The following NXPE2 variants were observed in gnomAD, a reference collection of about 807,000 sequenced individuals.
The protein encoded by NXPE2 is neurexophilin and PC-esterase domain family member 2.
Under a neutral mutation model 34.4 loss-of-function variants are expected in NXPE2, and 34 were observed. That is an observed-to-expected ratio of 0.99 (90% CI 0.75 to 1.31). The LOEUF (loss-of-function observed/expected upper bound fraction) is 1.31. NXPE2 is among the 40% of genes most tolerant of loss of function. The pLI, the probability that NXPE2 is intolerant of heterozygous loss-of-function variation, is 0.00. For missense variants in NXPE2, 649 were observed against 672.5 expected (o/e 0.97, Z 0.39); for synonymous variants, 235 against 231.3 (o/e 1.02, Z -0.15).
At chr11:114,683,490 G>A (rs10891730) in intron 2 of NXPE2, among the ~76,000 whole-genome samples, 10,078 of 148,856 alleles carry the variant, frequency 0.068, 349 homozygotes, top group South Asian at 0.1. Context: ...GCACGACCTC[G>A]GCTCACTGCA....
chr11:114,521,929 A>C, the NXPE2 span: 12 of 1,395,830 alleles, frequency 8.6e-6, no homozygotes, highest in Admixed American at 1.9e-5. Flanking sequence ...GATTATGTGC[A>C]GAGATTGGTT....
At chr11:114,700,436 A>G (rs1469183117) in intron 3 of NXPE2, among the ~76,000 whole-genome samples, 1 of 152,110 alleles carries the variant, frequency 6.6e-6, no homozygotes, top group Admixed American at 6.5e-5. Context: ...CAGCATTCTC[A>G]AGAGAAGGAA....
the NXPE2 span, among the ~76,000 whole-genome samples, chr11:114,712,662 T>C: frequency 1.3e-4 from 20 of 152,208 alleles, no homozygotes; most frequent in Non-Finnish European, 2.4e-4. Flanking sequence ...TTGTGCACTG[T>C]GAGTGGGAAT....
the NXPE2 span, among the ~76,000 whole-genome samples, chr11:114,801,228 A>T: frequency 1.3e-5 from 2 of 152,188 alleles, no homozygotes; most frequent in Non-Finnish European, 2.9e-5. Flanking sequence ...TACTTAACCT[A>T]GTATATAGAT....
At chr11:114,606,576 AT>A in the NXPE2 span, among the ~76,000 whole-genome samples, 1 of 151,922 alleles carries the variant, frequency 6.6e-6, no homozygotes, top group Non-Finnish European at 1.5e-5. Flanking sequence ...TACCTGGTTT[AT>A]TATAAGTATT....
At chr11:114,552,687 G>T in the NXPE2 span, among the ~76,000 whole-genome samples, 1 of 151,702 alleles carries the variant, frequency 6.6e-6, no homozygotes, top group Non-Finnish European at 1.5e-5. Context: ...GAGTTATAAT[G>T]TCTCATCTGA....
the NXPE2 span, among the ~76,000 whole-genome samples, chr11:114,571,942 A>G: frequency 1.3e-5 from 2 of 152,320 alleles, no homozygotes; most frequent in East Asian, 3.9e-4. Context: ...GAGGCCAACG[A>G]ACACAAAACC....
the NXPE2 span, among the ~76,000 whole-genome samples, chr11:114,626,400 C>T: frequency 1.3e-5 from 2 of 152,180 alleles, no homozygotes; most frequent in South Asian, 4.1e-4. Context: ...TGGGAGGCAC[C>T]CCCCAACAGG....
intron 2 of NXPE2, among the ~76,000 whole-genome samples, chr11:114,680,017 T>C (rs908846116): frequency 1.3e-5 from 2 of 152,276 alleles, no homozygotes; most frequent in East Asian, 3.9e-4. Flanking sequence ...TCTGTACTAG[T>C]TGGCACTGTA....
At chr11:114,775,738 AAGTTCAAGGTCATG>A in the NXPE2 span, among the ~76,000 whole-genome samples, 3 of 152,110 alleles carry the variant, frequency 2.0e-5, no homozygotes, top group Non-Finnish European at 4.4e-5. Flanking sequence ...GAAGGCTGGG[AAGTTCAAGGTCATG>A]GCCCTGACTT....
the NXPE2 span, among the ~76,000 whole-genome samples, chr11:114,791,638 G>A: frequency 6.6e-6 from 1 of 152,220 alleles, no homozygotes; most frequent in African/African-American, 2.4e-5. Context: ...TGAAAGAATG[G>A]ATAAGGTAGG....
intron 2 of NXPE2, among the ~76,000 whole-genome samples, chr11:114,696,338 ACC>A (rs1176758422): frequency 0.033 from 3,233 of 97,920 alleles, 92 homozygotes; most frequent in African/African-American, 0.06. Context: ...TATCAAAAAA[ACC>A]AAAAAAAAAA....
the NXPE2 span, among the ~76,000 whole-genome samples, chr11:114,786,004 G>T: frequency 6.6e-6 from 1 of 152,168 alleles, no homozygotes; most frequent in Non-Finnish European, 1.5e-5. Flanking sequence ...TGTTCAACTG[G>T]CAGAGTGCCA....
chr11:114,552,317 A>T, the NXPE2 span, among the ~76,000 whole-genome samples: 1 of 152,122 alleles, frequency 6.6e-6, no homozygotes, highest in Admixed American at 6.6e-5. Context: ...AAGAGAAGAC[A>T]AGGGGCAGCT....
At chr11:114,723,635 C>A in the NXPE2 span, among the ~76,000 whole-genome samples, 112 of 152,178 alleles carry the variant, frequency 7.4e-4, no homozygotes, top group African/African-American at 2.6e-3. Context: ...CCTTGGCCTG[C>A]CTGGACAGGT....
chr11:114,489,554 T>TA, the NXPE2 span, among the ~76,000 whole-genome samples: 1 of 152,178 alleles, frequency 6.6e-6, no homozygotes. Flanking sequence ...TGGTTCAACA[T>TA]ATGCAAATCA....
At position 114,698,791 on chromosome 11, in the gene NXPE2, T is replaced by C; in HGVS notation, c.866+13T>C. 6.7e-7 allele frequency: 1 copy of C among 1,491,858 alleles called. No individual in the cohort carries two copies. Among genetic ancestry groups the C allele is most frequent in the Non-Finnish European group, 8.9e-7 (1 of 1,123,456 alleles). The allele number at this position is 1,491,858 out of a possible 1,614,324, so 92.4% of individuals were successfully genotyped here. A position where few individuals can be genotyped will look rare whatever the true frequency, so the allele number is the denominator to read the frequency against. Reference sequence around the variant, plus strand: ...GGCTTTTCCACAGGTAAAGAGGCTTTTAAATACAATAGCAGATAAAAAGAG... The same window carrying C: ...GGCTTTTCCACAGGTAAAGAGGCTTCTAAATACAATAGCAGATAAAAAGAG... On this transcript the variant is annotated intron_variant, in intron 3 of 5. Transcript: ENST00000389586.
chr11:114,567,120 C>T, the NXPE2 span, among the ~76,000 whole-genome samples: 2 of 152,172 alleles, frequency 1.3e-5, no homozygotes, highest in African/African-American at 2.4e-5. Flanking sequence ...GGCTCTTCCC[C>T]AGCCATGTTC....
At chr11:114,631,286 A>G in the NXPE2 span, among the ~76,000 whole-genome samples, 4 of 151,876 alleles carry the variant, frequency 2.6e-5, no homozygotes, top group African/African-American at 9.7e-5. Context: ...ATGTCCAACA[A>G]TGATAGACTG....
Sources: allele counts gnomAD v4.1 joint callset (sites outside exome capture counted in the v4.1 genomes callset), GRCh38; gene constraint gnomAD v4.1.1; transcripts MANE v1.5; gene names NCBI Gene and HGNC (gene_info 2026-07-23, HGNC 2026-07-21).